The following DUSP22 variants were observed in gnomAD, a reference collection of about 807,000 sequenced individuals.
DUSP22 encodes the protein dual specificity phosphatase 22.
In DUSP22, 24 loss-of-function variants were observed where a neutral mutation model predicts 24.5. The ratio of observed to expected loss-of-function variants is 0.98; its 90% confidence interval spans 0.71 to 1.38. The LOEUF (loss-of-function observed/expected upper bound fraction) is 1.38, where lower values mean the gene tolerates loss of function less well. Among genes scored for constraint, DUSP22 ranks in the 40% most tolerant of loss-of-function variants. The pLI is 0.00. For missense variants in DUSP22, 330 were observed against 269.2 expected (o/e 1.23, Z -1.58); for synonymous variants, 160 against 106.4 (o/e 1.50, Z -3.10).
chr6:301,755 C>A (rs575945190), intron 1 of DUSP22, among the ~76,000 whole-genome samples: 1 of 152,294 alleles, frequency 6.6e-6, no homozygotes, highest in South Asian at 2.1e-4. Context: ...AAGGTGGCAC[C>A]ATCAGGGGCA....
At chr6:309,290 ATAACT>A (rs1444956303) in intron 2 of DUSP22, among the ~76,000 whole-genome samples, 3 of 152,306 alleles carry the variant, frequency 2.0e-5, no homozygotes, top group African/African-American at 4.8e-5. Flanking sequence ...TCTGAGCCTG[ATAACT>A]TAAAGGGCTC....
intron 1 of DUSP22, among the ~76,000 whole-genome samples, chr6:293,231 C>G (rs1757176360): frequency 1.3e-5 from 2 of 152,414 alleles, no homozygotes; most frequent in Middle Eastern, 6.8e-3. Context: ...GGGCCCCACC[C>G]TGTGTTCTTT....
At position 351,253 on chromosome 6, in the gene DUSP22, A is replaced by C. The variant is rs1760200129; in HGVS notation, c.*2302A>C. The C allele has an allele frequency of 1.3e-5, 3 of 230,594 alleles. No individual in the cohort carries two copies. Among genetic ancestry groups the C allele is most frequent in the Non-Finnish European group, 2.5e-5 (3 of 118,112 alleles). The allele number at this position is 230,594 out of a possible 1,614,324, so 14.3% of individuals were successfully genotyped here. ...GTTCTCAAATTCCCCAGCTTGGGAA[A>C]TAGCCCTTGGTGTGGGTTTTATCTC... is the stretch of plus-strand genomic sequence containing the variant. On this transcript the variant is annotated 3_prime_UTR_variant, in exon 7 of 7. Transcript: ENST00000419235.
intron 2 of DUSP22, among the ~76,000 whole-genome samples, chr6:310,736 A>C (rs1052365122): frequency 2.0e-4 from 30 of 152,302 alleles, no homozygotes; most frequent in Non-Finnish European, 3.1e-4. Flanking sequence ...TGAATTAAAA[A>C]AATATTTTAA....
intron 3 of DUSP22, among the ~76,000 whole-genome samples, chr6:312,568 T>C (rs1318553677): frequency 6.6e-6 from 1 of 152,424 alleles, no homozygotes; most frequent in Admixed American, 6.5e-5. Context: ...GTAAAATCTA[T>C]TTATGTTTAT....
intron 2 of DUSP22, among the ~76,000 whole-genome samples, chr6:307,380 G>A (rs373068619): frequency 6.9e-4 from 104 of 151,774 alleles, no homozygotes; most frequent in Middle Eastern, 3.4e-3. Context: ...AGGATCCCTC[G>A]CCTGTCACTC....
chr6:331,400 A>T (rs1191325444), intron 3 of DUSP22, among the ~76,000 whole-genome samples: 2 of 152,288 alleles, frequency 1.3e-5, no homozygotes, highest in Non-Finnish European at 2.9e-5. Flanking sequence ...TTACTTACAA[A>T]TTTTTCAGAT....
In DUSP22 at chr6:350,711, A is replaced by G; in HGVS notation, c.*1760A>G. 3.1e-6 allele frequency: 5 copies of G among 1,601,156 alleles called. No homozygotes were observed. In the South Asian group the frequency reaches 5.7e-5, roughly 18 times the overall value. ...TACGTTAACAGAAAAATGATTTAGG[A>G]TATAGCTTGAATGCTTAAATATGTG... On this transcript the variant is annotated 3_prime_UTR_variant, in exon 7 of 7. Transcript: ENST00000419235.
intron 4 of DUSP22, among the ~76,000 whole-genome samples, chr6:341,625 C>T (rs112928055): frequency 0.03 from 4,598 of 150,882 alleles, 5 homozygotes; most frequent in African/African-American, 0.11. Flanking sequence ...TCTGAGCGGC[C>T]GCCTTGTTGG....
chr6:305,303 T>G (rs1216960217), intron 2 of DUSP22, among the ~76,000 whole-genome samples: 1 of 152,306 alleles, frequency 6.6e-6, no homozygotes, highest in Non-Finnish European at 1.5e-5. Flanking sequence ...CTGTGCCCGC[T>G]CCAGCTCTGC....
In DUSP22 at chr6:350,342, T is replaced by G; in HGVS notation, c.*1391T>G. 12 of 1,017,422 alleles carry G rather than the reference T, an allele frequency of 1.2e-5. No homozygotes were observed. Among genetic ancestry groups the G allele is most frequent in the Non-Finnish European group, 1.3e-5 (11 of 850,002 alleles). 63.0% of individuals were successfully genotyped at this position (1,017,422 alleles called of 1,614,324 possible). On this transcript the variant is annotated 3_prime_UTR_variant, in exon 7 of 7. Transcript: ENST00000419235. The stretch of plus-strand genomic sequence containing the variant: ...TCCTGGGACGCTGTACGCAATTCAG[T>G]GGTCTAGTCCTTTATACCGACTCAG...
chr6:302,548 C>A (rs1334052428), intron 1 of DUSP22, among the ~76,000 whole-genome samples: 1 of 152,306 alleles, frequency 6.6e-6, no homozygotes, highest in Non-Finnish European at 1.5e-5. Context: ...CCTCCACTTT[C>A]CCTGTGTGAG....
intron 3 of DUSP22, among the ~76,000 whole-genome samples, chr6:314,073 C>T (rs1328416678): frequency 6.6e-6 from 1 of 152,310 alleles, no homozygotes. Flanking sequence ...TTTGGTGCTT[C>T]AGCAGCTCCT....
At chr6:326,598 G>T (rs1269246973) in intron 3 of DUSP22, among the ~76,000 whole-genome samples, 1 of 152,290 alleles carries the variant, frequency 6.6e-6, no homozygotes, top group Non-Finnish European at 1.5e-5. Flanking sequence ...GTCCTGGTGT[G>T]TGCAGTGCTG....
intron 3 of DUSP22, among the ~76,000 whole-genome samples, chr6:330,148 C>G (rs577604319): frequency 6.6e-6 from 1 of 152,308 alleles, no homozygotes; most frequent in Non-Finnish European, 1.5e-5. Flanking sequence ...CTGGGCTCAC[C>G]ATACCGTCAC....
chr6:304,526 A>G, intron 1 of DUSP22, 102 bp from the exon 2 acceptor site: 1 of 1,548,114 alleles, frequency 6.5e-7, no homozygotes, highest in Admixed American at 1.7e-5. Context: ...CTGGGGAAGC[A>G]CCTGGCCTTT....
chr6:342,361 TG>T (rs1334540600), intron 4 of DUSP22, among the ~76,000 whole-genome samples: 1 of 152,296 alleles, frequency 6.6e-6, no homozygotes, highest in Non-Finnish European at 1.5e-5. Flanking sequence ...TTGGCACCCT[TG>T]GGGGGCCACA....
At chr6:347,925 G>A (rs1354078886) in intron 5 of DUSP22, among the ~76,000 whole-genome samples, 178 bp from the exon 6 acceptor site, 1 of 152,294 alleles carries the variant, frequency 6.6e-6, no homozygotes, top group Non-Finnish European at 1.5e-5. Context: ...GGAAGCATAG[G>A]GAGCTGGTAC....
At position 350,897 on chromosome 6, in the gene DUSP22, A is replaced by C. The variant is rs749865790; in HGVS notation, c.*1946A>C. On this transcript the variant is annotated 3_prime_UTR_variant, in exon 7 of 7. Coordinates refer to ENST00000419235, the MANE Select transcript of DUSP22 (RefSeq NM_001286555.3). Reference sequence around the variant, plus strand: ...ACCTGAAGTTTCTGAAATATTGCAAACCCACAGAGTTTAGGCTGGTGCTGC... The same window carrying C: ...ACCTGAAGTTTCTGAAATATTGCAACCCCACAGAGTTTAGGCTGGTGCTGC... 6.2e-7 allele frequency: 1 copy of C among 1,613,960 alleles called. No homozygotes were observed. The highest frequency in any genetic ancestry group is 1.7e-5 in the Admixed American group (1 of 60,030).
Sources: gnomAD v4.1 joint callset for allele counts (sites outside exome capture counted in the v4.1 genomes callset) on GRCh38, gnomAD v4.1.1 for gene constraint, MANE v1.5 for transcripts, NCBI Gene and HGNC (gene_info 2026-07-23, HGNC 2026-07-21) for gene names.